The following SHMT2 variants were observed in gnomAD, a reference collection of about 807,000 sequenced individuals.
SHMT2 encodes the protein serine hydroxymethyltransferase, mitochondrial.
A neutral mutation model predicts 59.6 loss-of-function variants in SHMT2; 38 were observed. The observed-to-expected ratio is 0.64, with a 90% CI of 0.49 to 0.84. SHMT2 has a LOEUF of 0.84. Ranked by LOEUF, SHMT2 falls within the 40% of genes least tolerant of loss-of-function variation. The pLI, the probability that SHMT2 is intolerant of heterozygous loss-of-function variation, is 0.00. For missense variants in SHMT2, 533 were observed against 659.5 expected (o/e 0.81, Z 2.10); for synonymous variants, 254 against 258.1 (o/e 0.98, Z 0.15).
rs1265731467 is a variant in SHMT2, at chr12:57,232,798, C to T, written c.812C>T (p.Ala271Val). ...AKVIPSPFKH[A>V]DIVTTTTHKT... ...GTGATTCCCTCGCCTTTCAAGCACG[C>T]GGACATCGTCACCACCACTACTCAC... Residue 271 changes from alanine (A) to valine (V), a missense_variant, in exon 7 of 12, where the codon GCG becomes GTG. By Grantham distance (64) the Ala-to-Val change is moderately conservative (BLOSUM62 0). Coordinates refer to ENST00000328923, the MANE Select transcript of SHMT2 (RefSeq NM_005412.6). The T allele has an allele frequency of 2.4e-5, 39 of 1,613,458 alleles. No individual in the cohort carries two copies. The highest frequency in any genetic ancestry group is 1.0e-4 in the Admixed American group (6 of 59,998).
Position 57,232,717 on chromosome 12 carries a change from T to G in SHMT2, c.731T>G (p.Val244Gly). 1 of 1,608,354 alleles carries G rather than the reference T, an allele frequency of 6.2e-7. No individual in the cohort carries two copies. Among genetic ancestry groups the G allele is most frequent in the Non-Finnish European group, 8.5e-7 (1 of 1,175,396 alleles). Reference protein sequence around the residue: ...YARMREVCDEVKAHLLADMAH... With the variant: ...YARMREVCDEGKAHLLADMAH... ...GTACCTGCCCAGGTGTGTGATGAAG[T>G]CAAAGCACACCTGCTGGCAGACATG... The change falls in exon 7 of 12, where the codon GTC (valine) becomes GGC (glycine). Residue 244 changes from valine to glycine, a missense_variant. Coordinates refer to ENST00000328923, the MANE Select transcript of SHMT2 (RefSeq NM_005412.6).
At position 57,234,407 on chromosome 12, in the gene SHMT2, C is replaced by T. The variant is rs1018318623; in HGVS notation, c.*46C>T. On this transcript the variant is annotated 3_prime_UTR_variant, in exon 12 of 12. Transcript: ENST00000328923. ...CCACAGACTCAAAGTTACTCTCCTTCCCCCTACCTGGGCCAGTGAAATAGA... is the reference window on the plus strand; with the variant it reads ...CCACAGACTCAAAGTTACTCTCCTTTCCCCTACCTGGGCCAGTGAAATAGA... 1.6e-5 allele frequency: 25 copies of T among 1,525,898 alleles called. No individual in the cohort carries two copies. The African/African-American group carries it at 3.1e-4, about 19-fold the overall frequency. 94.5% of individuals were successfully genotyped at this position (1,525,898 alleles called of 1,614,324 possible).
intron 1 of SHMT2, 126 bp from the exon 2 acceptor site, chr12:57,230,677 T>C: frequency 6.7e-7 from 1 of 1,481,804 alleles, no homozygotes; most frequent in Non-Finnish European, 9.0e-7. Flanking sequence ...GTGGGGGTAG[T>C]GAGAACTGAA....
rs1565769175 is a variant in SHMT2, at chr12:57,230,864, C to A, written c.95C>A (p.Ala32Asp). Reference sequence around the variant, plus strand: ...ATTCGGGCTCAGCACAGCAACGCAGCCCAGACTCAGACTGGGGAAGCAAAC... The same window carrying A: ...ATTCGGGCTCAGCACAGCAACGCAGACCAGACTCAGACTGGGGAAGCAAAC... ...MAIRAQHSNA[A>D]QTQTGEANRG... Residue 32 changes from alanine to aspartate, a missense_variant, in exon 2 of 12, where the codon GCC becomes GAC. Transcript: ENST00000328923. 3.1e-6 allele frequency: 5 copies of A among 1,614,146 alleles called. No homozygotes were observed. The highest frequency in any genetic ancestry group is 4.2e-6 in the Non-Finnish European group (5 of 1,180,036).
In SHMT2 at chr12:57,232,592, G is replaced by A. The variant is rs778673704; in HGVS notation, c.717+17G>A. ...ATGAGAGAGGTTGGTGGGGGGGGCT[G>A]GAGACTGGGCACCTCCCCAGGGGGT... is the stretch of plus-strand genomic sequence containing the variant. On this transcript the variant is annotated intron_variant, in intron 6 of 11. Coordinates refer to ENST00000328923, the MANE Select transcript of SHMT2 (RefSeq NM_005412.6). 2 of 1,613,950 alleles carry A rather than the reference G, an allele frequency of 1.2e-6. No homozygotes were observed. Among genetic ancestry groups the A allele is most frequent in the Non-Finnish European group, 8.5e-7 (1 of 1,179,932 alleles).
At position 57,232,566 on chromosome 12, in the gene SHMT2, C is replaced by T; in HGVS notation, c.708C>T (p.Arg236=). 5 of 1,614,156 alleles carry T rather than the reference C, an allele frequency of 3.1e-6. No individual in the cohort carries two copies. The highest frequency in any genetic ancestry group is 2.2e-5 in the East Asian group (1 of 44,874). Residue 236 remains arginine, a synonymous_variant, in exon 6 of 12, where the codon CGC becomes CGT. Coordinates refer to ENST00000328923, the MANE Select transcript of SHMT2 (RefSeq NM_005412.6). ...SAYARLIDYA[R]MREVCDEVKA... ...ATGCTCGCCTCATTGACTACGCCCG[C>T]ATGAGAGAGGTTGGTGGGGGGGGCT...
At chr12:57,232,343 C>T (rs2037357013) in intron 5 of SHMT2, 51 bp downstream of exon 5, 1 of 1,612,954 alleles carries the variant, frequency 6.2e-7, no homozygotes, top group Non-Finnish European at 8.5e-7. Context: ...TGGTGGTCCT[C>T]CCCTGGAGAA....
chr12:57,230,475 G>C (rs1439409293), intron 1 of SHMT2: 2 of 1,227,008 alleles, frequency 1.6e-6, no homozygotes, highest in Admixed American at 7.7e-5. Context: ...GGGTGGGAAG[G>C]TTCTGGAATC....
intron 9 of SHMT2, 33 bp from the exon 10 acceptor site, chr12:57,233,716 G>A (rs1306208803): frequency 6.2e-7 from 1 of 1,613,368 alleles, no homozygotes. Context: ...AGAGGCCCAG[G>A]ACTCACCACT....
chr12:57,231,494 G>T lies in SHMT2; in HGVS notation c.245G>T (p.Arg82Leu). 8 of 1,614,154 alleles carry T rather than the reference G, an allele frequency of 5.0e-6. No individual in the cohort carries two copies. The highest frequency in any genetic ancestry group is 6.8e-6 in the Non-Finnish European group (8 of 1,180,006). Residue 82 changes from arginine to leucine, a missense_variant, in exon 3 of 12, where the codon CGA (arginine) becomes CTA (leucine). Coordinates refer to ENST00000328923, the MANE Select transcript of SHMT2 (RefSeq NM_005412.6). ...ELIASENFCS[R>L]AALEALGSCL... The stretch of plus-strand genomic sequence containing the variant: ...CCACCACCCCAGAACTTCTGCAGCC[G>T]AGCTGCGCTGGAGGCCCTGGGGTCC...
rs2037475444 is a variant in SHMT2 at position 57,234,569 on chromosome 12, G to C, written c.*208G>C. ...TTTTGGTAACAAGACTTAGAAGGAG[G>C]GCCCAGGCACTTTCTGTTTGAACCC... On this transcript the variant is annotated 3_prime_UTR_variant, in exon 12 of 12. Coordinates refer to ENST00000328923, the MANE Select transcript of SHMT2 (RefSeq NM_005412.6). 2 of 474,468 alleles carry C rather than the reference G, an allele frequency of 4.2e-6. No individual in the cohort carries two copies. The highest frequency in any genetic ancestry group is 3.9e-5 in the Admixed American group (1 of 25,596). 29.4% of individuals were successfully genotyped at this position (474,468 alleles called of 1,614,324 possible). A position where few individuals can be genotyped will look rare whatever the true frequency, so the allele number is the denominator to read the frequency against.
In SHMT2 at chr12:57,233,822, G is replaced by A. The variant is rs1375545996; in HGVS notation, c.1197G>A (p.Val399=). The change falls in exon 10 of 12, where the codon GTG becomes GTA. Residue 399 remains valine (V), a synonymous_variant. Transcript: ENST00000328923. ...KGLDGARAER[V]LELVSITANK... is the part of the protein sequence containing the mutation. ...TGGATGGAGCTCGGGCTGAGCGGGT[G>A]CTAGAGCTTGTATCCATCACTGCCA... is the stretch of plus-strand genomic sequence containing the variant. 2 of 1,614,094 alleles carry A rather than the reference G, an allele frequency of 1.2e-6. No homozygotes were observed. The highest frequency in any genetic ancestry group is 1.3e-5 in the African/African-American group (1 of 74,932).
chr12:57,230,866 C>G lies in SHMT2; in HGVS notation c.97C>G (p.Gln33Glu). The G allele has an allele frequency of 6.2e-7, 1 of 1,614,130 alleles. No homozygotes were observed. The highest frequency in any genetic ancestry group is 8.5e-7 in the Non-Finnish European group (1 of 1,180,026). The change falls in exon 2 of 12, where the codon CAG (glutamine) becomes GAG (glutamate). Residue 33 changes from glutamine to glutamate, a missense_variant. Transcript: ENST00000328923. ...TCGGGCTCAGCACAGCAACGCAGCC[C>G]AGACTCAGACTGGGGAAGCAAACAG... ...AIRAQHSNAA[Q>E]TQTGEANRGW...
rs2037293115 is a variant in SHMT2, at chr12:57,230,990, T to A, written c.221T>A (p.Ile74Asn). ...KDRQCRGLELIASENFCSRAA... is the reference protein window; with the variant it reads ...KDRQCRGLELNASENFCSRAA... ...AGGCAGTGTCGTGGCCTGGAGCTCA[T>A]TGCCTCAGAGGTGGGACCTGGGGAG... The change falls in exon 2 of 12, where the codon ATT becomes AAT. Residue 74 changes from isoleucine to asparagine, a missense_variant. Transcript: ENST00000328923. The A allele has an allele frequency of 6.2e-7, 1 of 1,613,234 alleles. No homozygotes were observed. Among genetic ancestry groups the A allele is most frequent in the Non-Finnish European group, 8.5e-7 (1 of 1,179,962 alleles).
At chr12:57,232,996 G>A in intron 7 of SHMT2, 153 bp downstream of exon 7, 1 of 1,273,344 alleles carries the variant, frequency 7.9e-7, no homozygotes, top group South Asian at 1.5e-5. Flanking sequence ...TGCCCATGGT[G>A]GCCATGCCCT....
chr12:57,232,911 C>G, intron 7 of SHMT2, 68 bp downstream of exon 7: 1 of 1,561,942 alleles, frequency 6.4e-7, no homozygotes, highest in Non-Finnish European at 8.7e-7. Flanking sequence ...CACTGTTGGC[C>G]TGGACCTGAG....
chr12:57,230,215 G>A (rs2037255770), intron 1 of SHMT2: 2 of 1,265,146 alleles, frequency 1.6e-6, no homozygotes, highest in African/African-American at 1.5e-5. Flanking sequence ...GGGTCCCGGC[G>A]GCAGTGAGGG....
chr12:57,231,393 C>A (rs1026109581), intron 2 of SHMT2, 88 bp from the exon 3 acceptor site: 30 of 1,410,044 alleles, frequency 2.1e-5, no homozygotes, highest in Non-Finnish European at 2.6e-5. Flanking sequence ...AGTACTCCCG[C>A]TTTCAGCTCT....
In SHMT2 at chr12:57,233,623, G is replaced by A. The variant is rs760644091; in HGVS notation, c.1084G>A (p.Ala362Thr). The A allele has an allele frequency of 1.2e-6, 2 of 1,614,146 alleles. No individual in the cohort carries two copies. The highest frequency in any genetic ancestry group is 3.3e-5 in the Admixed American group (2 of 60,020). ...LQVLKNARAM[A>T]DALLERGYSL... ...GGTTCTGAAGAATGCTCGGGCCATG[G>A]CAGATGCCCTGCTAGAGCGAGGCTA... The change falls in exon 9 of 12, where the codon GCA (alanine) becomes ACA (threonine). Residue 362 changes from alanine to threonine, a missense_variant. Ala to Thr is a moderately conservative substitution (Grantham distance 58, BLOSUM62 0). Coordinates refer to ENST00000328923, the MANE Select transcript of SHMT2 (RefSeq NM_005412.6).
Sources: gnomAD v4.1 joint callset for allele counts on GRCh38, gnomAD v4.1.1 for gene constraint, MANE v1.5 for transcripts, NCBI Gene and HGNC (gene_info 2026-07-23, HGNC 2026-07-21) for gene names.